The following PRKD1 variants were observed in gnomAD, a reference collection of about 807,000 sequenced individuals.
PRKD1 encodes the protein serine/threonine-protein kinase D1.
Under a neutral mutation model 95.9 loss-of-function variants are expected in PRKD1, and 63 were observed. That is an observed-to-expected ratio of 0.66 (90% CI 0.54 to 0.81). PRKD1 has a LOEUF of 0.81. Among genes scored for constraint, PRKD1 ranks in the 30% least tolerant of loss-of-function variants. PRKD1 has a pLI of 0.00. For missense variants in PRKD1, 1,048 were observed against 1,165.3 expected (o/e 0.90, Z 1.47); for synonymous variants, 425 against 423.1 (o/e 1.00, Z -0.05).
chr14:29,918,972 TG>T (rs1440625122), intron 1 of PRKD1, among the ~76,000 whole-genome samples: 20 of 152,312 alleles, frequency 1.3e-4, no homozygotes, highest in African/African-American at 4.8e-4. Flanking sequence ...ACTTTTCAAC[TG>T]TTTTATAATA....
chr14:29,783,203 C>T (rs538953157), intron 1 of PRKD1, among the ~76,000 whole-genome samples: 1 of 152,226 alleles, frequency 6.6e-6, no homozygotes, highest in African/African-American at 2.4e-5. Context: ...TCTCTACCTC[C>T]ACGAAATCAA....
At chr14:29,774,876 T>C (rs1045574669) in intron 1 of PRKD1, among the ~76,000 whole-genome samples, 1 of 152,026 alleles carries the variant, frequency 6.6e-6, no homozygotes, top group African/African-American at 2.4e-5. Context: ...GAAAGCAACA[T>C]GATAATAGTG....
intron 1 of PRKD1, among the ~76,000 whole-genome samples, chr14:29,885,824 A>T (rs796664511): frequency 6.7e-6 from 1 of 149,770 alleles, no homozygotes; most frequent in Admixed American, 6.7e-5. Context: ...AAAAAAAAAA[A>T]AAAAAATAGC....
chr14:29,756,071 A>C (rs1256293621), intron 1 of PRKD1, among the ~76,000 whole-genome samples: 1 of 152,128 alleles, frequency 6.6e-6, no homozygotes, highest in Non-Finnish European at 1.5e-5. Flanking sequence ...AGTCATATCT[A>C]TATCTATATC....
At position 29,597,726 on chromosome 14, in the gene PRKD1, G is replaced by A; in HGVS notation, c.2199C>T (p.Ile733=). ...ACCTCCGGAAAGACTTCTCTCCAAT[G>A]ATCCGGGCAAAACCAAAATCACAAA... The part of the protein sequence containing the change: ...VKLCDFGFAR[I]IGEKSFRRSV... The change falls in exon 16 of 18, where the codon ATC becomes ATT. Residue 733 remains isoleucine (I), a synonymous_variant. Coordinates refer to ENST00000331968, the MANE Select transcript of PRKD1 (RefSeq NM_002742.3). 6.2e-7 allele frequency: 1 copy of A among 1,612,646 alleles called. No homozygotes were observed. The highest frequency in any genetic ancestry group is 8.5e-7 in the Non-Finnish European group (1 of 1,179,514).
intron 1 of PRKD1, among the ~76,000 whole-genome samples, chr14:29,797,152 A>G (rs1889853002): frequency 6.6e-6 from 1 of 152,312 alleles, no homozygotes; most frequent in East Asian, 1.9e-4. Flanking sequence ...CCCTAACTAC[A>G]TATCAAAAGC....
intron 2 of PRKD1, among the ~76,000 whole-genome samples, chr14:29,698,506 A>G (rs1052752536): frequency 2.0e-5 from 3 of 152,182 alleles, no homozygotes; most frequent in Non-Finnish European, 2.9e-5. Flanking sequence ...AGTTTGTCAT[A>G]TAAGTTTAAA....
At chr14:29,709,547 A>T (rs915736044) in intron 2 of PRKD1, among the ~76,000 whole-genome samples, 1 of 152,198 alleles carries the variant, frequency 6.6e-6, no homozygotes, top group African/African-American at 2.4e-5. Flanking sequence ...ACAGATGCAG[A>T]TACATAAAAA....
At chr14:29,688,169 G>T (rs956308157) in intron 2 of PRKD1, among the ~76,000 whole-genome samples, 1 of 152,084 alleles carries the variant, frequency 6.6e-6, no homozygotes, top group Non-Finnish European at 1.5e-5. Flanking sequence ...AAAACGTTAG[G>T]CCAATCCCTT....
At chr14:29,614,846 T>C (rs1878736774) in intron 13 of PRKD1, among the ~76,000 whole-genome samples, 1 of 147,400 alleles carries the variant, frequency 6.8e-6, no homozygotes. Flanking sequence ...TGGGGCACCA[T>C]GCCCAGCTAA....
chr14:29,877,654 G>A (rs1893347755), intron 1 of PRKD1, among the ~76,000 whole-genome samples: 1 of 152,088 alleles, frequency 6.6e-6, no homozygotes, highest in South Asian at 2.1e-4. Context: ...ATGATGAGTT[G>A]ATTTTTGTAT....
At chr14:29,830,866 G>C (rs1300654787) in intron 1 of PRKD1, among the ~76,000 whole-genome samples, 1 of 151,882 alleles carries the variant, frequency 6.6e-6, no homozygotes, top group Non-Finnish European at 1.5e-5. Flanking sequence ...CTAATTTTTT[G>C]TAGAAACGGG....
intron 1 of PRKD1, among the ~76,000 whole-genome samples, chr14:29,883,401 T>C (rs963236421): frequency 2.6e-5 from 4 of 152,220 alleles, no homozygotes; most frequent in African/African-American, 9.6e-5. Flanking sequence ...TATAAAGAAC[T>C]AAAAGTTTAC....
intron 16 of PRKD1, among the ~76,000 whole-genome samples, chr14:29,593,402 T>C (rs1213035393): frequency 6.6e-6 from 1 of 152,204 alleles, no homozygotes; most frequent in African/African-American, 2.4e-5. Flanking sequence ...ATCTTTTCCC[T>C]GCAGGAACTT....
intron 1 of PRKD1, among the ~76,000 whole-genome samples, chr14:29,788,607 TTTTTC>T (rs1162031644): frequency 6.6e-6 from 1 of 152,182 alleles, no homozygotes; most frequent in Non-Finnish European, 1.5e-5. Context: ...TTATTCTTCT[TTTTTC>T]TTTTCTTAAT....
intron 1 of PRKD1, among the ~76,000 whole-genome samples, chr14:29,767,182 C>T (rs1426650979): frequency 1.3e-5 from 2 of 152,072 alleles, no homozygotes; most frequent in East Asian, 1.9e-4. Context: ...TTGTCTGCTC[C>T]GCTTGAACAA....
chr14:29,777,847 C>G (rs1214030837), intron 1 of PRKD1, among the ~76,000 whole-genome samples: 1 of 152,138 alleles, frequency 6.6e-6, no homozygotes, highest in East Asian at 1.9e-4. Context: ...ATACATTCTT[C>G]TCAGCACCAC....
chr14:29,749,892 C>A (rs939708189), intron 1 of PRKD1, among the ~76,000 whole-genome samples: 2 of 152,180 alleles, frequency 1.3e-5, no homozygotes, highest in East Asian at 1.9e-4. Flanking sequence ...AAGTTGCTGG[C>A]AGAATTAGTT....
At chr14:29,830,609 AAAATC>A (rs1891366633) in intron 1 of PRKD1, among the ~76,000 whole-genome samples, 1 of 152,202 alleles carries the variant, frequency 6.6e-6, no homozygotes, top group African/African-American at 2.4e-5. Flanking sequence ...ATACATTAAA[AAAATC>A]AAATTTAGCA....
Sources: allele counts gnomAD v4.1 joint callset (sites outside exome capture counted in the v4.1 genomes callset), GRCh38; gene constraint gnomAD v4.1.1; transcripts MANE v1.5; gene names NCBI Gene and HGNC (gene_info 2026-07-23, HGNC 2026-07-21).